The following WDR46 variants were observed in gnomAD, a reference collection of about 807,000 sequenced individuals.
The protein encoded by WDR46 is WD repeat domain 46.
In WDR46, 58 loss-of-function variants were observed where a neutral mutation model predicts 74.7. That is an observed-to-expected ratio of 0.78 (90% CI 0.63 to 0.97). WDR46 has a LOEUF of 0.97. Ranked by LOEUF, WDR46 falls within the 50% of genes least tolerant of loss-of-function variation. The probability of loss-of-function intolerance (pLI) is 0.00; values close to 1 mark genes in which losing one functional copy is unlikely to be tolerated. For synonymous variants in WDR46, 278 were observed against 297.3 expected, an observed-to-expected ratio of 0.93 and a Z score of 0.67; for missense variants, 702 against 790.1, an observed-to-expected ratio of 0.89 and a Z score of 1.34.
At position 33,285,458 on chromosome 6, in the gene WDR46, C is replaced by T. The variant is rs576729205; in HGVS notation, c.1115+1337G>A. Among the ~76,000 whole-genome samples, 270 of 152,246 alleles carry T rather than the reference C, an allele frequency of 1.8e-3. 2 individuals are homozygous for T. The highest frequency in any genetic ancestry group is 6.1e-3 in the African/African-American group (255 of 41,546). On this transcript the variant is annotated intron_variant, in intron 10 of 14. Coordinates refer to ENST00000374617, the MANE Select transcript of WDR46 (RefSeq NM_005452.6). ...TTCTGGGCTCAAGTGATCTGCCCAC[C>T]TCAGCCTACCAAACTGTTAAGATTA... is the stretch of plus-strand genomic sequence containing the variant.
intron 10 of WDR46, chr6:33,284,972 A>C (rs1219490557): frequency 6.5e-6 from 1 of 153,798 alleles, no homozygotes; most frequent in African/African-American, 2.4e-5. Flanking sequence ...TAAGTGCTTC[A>C]CAGCATTTCA....
chr6:33,285,907 G>A (rs752795834), intron 10 of WDR46, among the ~76,000 whole-genome samples: 1 of 151,336 alleles, frequency 6.6e-6, no homozygotes. Flanking sequence ...TTGGGAGGCC[G>A]AGGCGGGCAG....
intron 10 of WDR46, chr6:33,284,960 CGTAA>C (rs1766488230): frequency 6.5e-6 from 1 of 153,544 alleles, no homozygotes; most frequent in Non-Finnish European, 1.5e-5. Flanking sequence ...GTGACACAGT[CGTAA>C]GTGCTTCACA....
Position 33,287,765 on chromosome 6 carries a change from G to A in WDR46, c.624-47C>T, listed in dbSNP as rs375066459. ...CAGGGTGTTAAGGCAGGGGACCACC[G>A]ACTCAGACAACTTGAGGTCTGCCCC... is the stretch of plus-strand genomic sequence containing the variant. On this transcript the variant is annotated intron_variant, in intron 6 of 14. Coordinates refer to ENST00000374617, the MANE Select transcript of WDR46 (RefSeq NM_005452.6). 2.1e-5 allele frequency: 34 copies of A among 1,603,066 alleles called. No individual in the cohort carries two copies. The African/African-American group carries it at 2.9e-4, about 14-fold the overall frequency.
intron 5 of WDR46, 39 bp from the exon 6 acceptor site, chr6:33,288,065 G>GT: frequency 6.2e-7 from 1 of 1,614,038 alleles, no homozygotes; most frequent in East Asian, 2.2e-5. Flanking sequence ...GTGCCCTGCA[G>GT]TAACGCCTTC....
rs374413230 is a variant in WDR46 at position 33,288,246 on chromosome 6, G to A, written c.474-11C>T. The A allele has an allele frequency of 2.5e-6, 4 of 1,614,174 alleles. No individual in the cohort carries two copies. Among genetic ancestry groups the A allele is most frequent in the Non-Finnish European group, 3.4e-6 (4 of 1,180,032 alleles). ...TCCCCTTCCAGAAACCTGAAAGCAA[G>A]GGTTAGGATGGCAGTAAAGCTTCCC... is the stretch of plus-strand genomic sequence containing the variant. On this transcript the variant is annotated splice_polypyrimidine_tract_variant and intron_variant, in intron 4 of 14. Coordinates refer to ENST00000374617, the MANE Select transcript of WDR46 (RefSeq NM_005452.6).
intron 5 of WDR46, 34 bp downstream of exon 5, chr6:33,288,114 C>G: frequency 1.9e-6 from 3 of 1,614,178 alleles, no homozygotes; most frequent in Non-Finnish European, 2.5e-6. Context: ...CACCACCAAT[C>G]AATCCCTTGG....
chr6:33,279,878 G>A lies in WDR46; in HGVS notation c.1525-19C>T. Reference sequence around the variant, plus strand: ...CAGGTACCTGGGGGTGTCACAGAGGGACAGGACTCAGCAAGGAGCCACAGG... The same window carrying A: ...CAGGTACCTGGGGGTGTCACAGAGGAACAGGACTCAGCAAGGAGCCACAGG... On this transcript the variant is annotated intron_variant, in intron 12 of 14. Transcript: ENST00000374617. The A allele has an allele frequency of 6.2e-7, 1 of 1,612,982 alleles. No homozygotes were observed. Among genetic ancestry groups the A allele is most frequent in the African/African-American group, 1.3e-5 (1 of 74,996 alleles).
intron 12 of WDR46, among the ~76,000 whole-genome samples, 156 bp downstream of exon 12, chr6:33,280,272 C>T (rs141294422): frequency 1.4e-5 from 2 of 139,364 alleles, no homozygotes; most frequent in African/African-American, 5.3e-5. Flanking sequence ...CAGGGGGGAA[C>T]CTGACCTTCT....
intron 10 of WDR46, among the ~76,000 whole-genome samples, chr6:33,282,442 C>G (rs1236425737): frequency 6.6e-6 from 1 of 152,190 alleles, no homozygotes; most frequent in Non-Finnish European, 1.5e-5. Flanking sequence ...TGGCTCTTCT[C>G]CCCTCCACAC....
rs748385726 is a variant in WDR46 at position 33,287,237 on chromosome 6, AAGAC to A, written c.880-15_880-12del. The A allele has an allele frequency of 1.3e-5, 21 of 1,613,470 alleles. No homozygotes were observed. Among genetic ancestry groups the A allele is most frequent in the African/African-American group, 8.0e-5 (6 of 74,742 alleles). ...AAACCCTGTTTCTGACTGAGAGAGA[AAGAC>A]AGAGAGAATGACCCAGTCCTGATTG... On this transcript the variant is annotated splice_polypyrimidine_tract_variant and intron_variant, in intron 8 of 14. Coordinates refer to ENST00000374617, the MANE Select transcript of WDR46 (RefSeq NM_005452.6).
Position 33,287,974 on chromosome 6 carries a change from C to G in WDR46, c.614G>C (p.Arg205Pro). 1 of 1,614,120 alleles carries G rather than the reference C, an allele frequency of 6.2e-7. No homozygotes were observed. The highest frequency in any genetic ancestry group is 8.5e-7 in the Non-Finnish European group (1 of 1,180,014). ...TAGAATTCAACCTTACCTTCCAGTT[C>G]GAGAGTAGTTTAGTCTGTAGGGTCC... ...QFGPYRLNYS[R>P]TGRHLAFGGR... Residue 205 changes from arginine to proline, a missense_variant, in exon 6 of 15, where the codon CGA (arginine) becomes CCA (proline). By Grantham distance (103) the Arg-to-Pro change is moderately radical. Coordinates refer to ENST00000374617, the MANE Select transcript of WDR46 (RefSeq NM_005452.6).
At chr6:33,285,278 C>T (rs538629318) in intron 10 of WDR46, among the ~76,000 whole-genome samples, 5 of 152,216 alleles carry the variant, frequency 3.3e-5, no homozygotes, top group Admixed American at 3.3e-4. Flanking sequence ...TCACAGCTCA[C>T]TGCAGCCTTA....
Position 33,287,646 on chromosome 6 carries a change from C to T in WDR46, c.696G>A (p.Glu232=). 1 of 1,614,064 alleles carries T rather than the reference C, an allele frequency of 6.2e-7. No homozygotes were observed. The highest frequency in any genetic ancestry group is 8.5e-7 in the Non-Finnish European group (1 of 1,180,028). Residue 232 remains glutamate (E), a synonymous_variant, in exon 7 of 15, where the codon GAG becomes GAA. Transcript: ENST00000374617. ...LDWVTKKLMC[E]INVMEAVRDI... The stretch of plus-strand genomic sequence containing the variant: ...CCCGCACCGCCTCCATGACGTTGAT[C>T]TCGCACATAAGCTTCTTTGTTACCC...
chr6:33,279,685 C>A (rs1765954926), intron 13 of WDR46, 75 bp from the exon 14 acceptor site: 2 of 1,612,294 alleles, frequency 1.2e-6, no homozygotes, highest in African/African-American at 2.7e-5. Context: ...CTGCTGGCCG[C>A]ACTTCTGGGG....
At position 33,279,224 on chromosome 6, in the gene WDR46, C is replaced by T. The variant is rs1269073815; in HGVS notation, c.*52G>A. 3.1e-6 allele frequency: 5 copies of T among 1,609,500 alleles called. No individual in the cohort carries two copies. Among genetic ancestry groups the T allele is most frequent in the Non-Finnish European group, 4.2e-6 (5 of 1,177,192 alleles). On this transcript the variant is annotated 3_prime_UTR_variant, in exon 15 of 15. Transcript: ENST00000374617. ...CCTTGTTCCAGGGAACACTCATTTCCCTACAGGTGATCTTGGGGAGAGACT... is the reference window on the plus strand; with the variant it reads ...CCTTGTTCCAGGGAACACTCATTTCTCTACAGGTGATCTTGGGGAGAGACT...
In WDR46 at chr6:33,289,160, G is replaced by C; in HGVS notation, c.11C>G (p.Ala4Gly). The C allele has an allele frequency of 6.2e-7, 1 of 1,612,480 alleles. No individual in the cohort carries two copies. The highest frequency in any genetic ancestry group is 8.5e-7 in the Non-Finnish European group (1 of 1,179,130). ...CGGGACATCCTTGCCCGGCTTGGGGGCTGTCTCCATCTCGCCCACCCGAAC... is the reference window on the plus strand; with the variant it reads ...CGGGACATCCTTGCCCGGCTTGGGGCCTGTCTCCATCTCGCCCACCCGAAC... METAPKPGKDVPPK... is the reference protein window; with the variant it reads METGPKPGKDVPPK... The change falls in exon 1 of 15, where the codon GCC (alanine) becomes GGC (glycine). Residue 4 changes from alanine to glycine, a missense_variant. By Grantham distance (60) the Ala-to-Gly change is moderately conservative. Transcript: ENST00000374617.
chr6:33,282,542 A>G (rs1245768650), intron 10 of WDR46, among the ~76,000 whole-genome samples: 1 of 152,224 alleles, frequency 6.6e-6, no homozygotes, highest in Non-Finnish European at 1.5e-5. Context: ...GGCTTTGAGA[A>G]GTCAACGCAA....
chr6:33,282,842 C>T (rs546537392), intron 10 of WDR46, among the ~76,000 whole-genome samples: 4 of 152,238 alleles, frequency 2.6e-5, no homozygotes, highest in Non-Finnish European at 5.9e-5. Context: ...TTGGGCAGGC[C>T]TTCTGACTCT....
Sources: gnomAD v4.1 joint callset for allele counts (sites outside exome capture counted in the v4.1 genomes callset) on GRCh38, gnomAD v4.1.1 for gene constraint, MANE v1.5 for transcripts, NCBI Gene and HGNC (gene_info 2026-07-23, HGNC 2026-07-21) for gene names.